Variants in PLEKHA7 observed in about 807,000 individuals in gnomAD.
PLEKHA7 encodes pleckstrin homology domain containing A7, also known as pleckstrin homology domain-containing family A member 7.
Under a neutral mutation model 170.0 loss-of-function variants are expected in PLEKHA7, and 104 were observed. The ratio of observed to expected loss-of-function variants is 0.61; its 90% confidence interval spans 0.52 to 0.72. The LOEUF (loss-of-function observed/expected upper bound fraction) is 0.72, where lower values mean the gene tolerates loss of function less well. Among genes scored for constraint, PLEKHA7 ranks in the 30% least tolerant of loss-of-function variants. The pLI, the probability that PLEKHA7 is intolerant of heterozygous loss-of-function variation, is 0.00. For missense variants in PLEKHA7, 1,615 were observed against 1,671.7 expected, an observed-to-expected ratio of 0.97 and a Z score of 0.59; for synonymous variants, 648 against 660.8, an observed-to-expected ratio of 0.98 and a Z score of 0.30.
chr11:16,923,260 A>G (rs954258163), intron 3 of PLEKHA7, among the ~76,000 whole-genome samples: 22 of 152,186 alleles, frequency 1.4e-4, no homozygotes, highest in Admixed American at 8.5e-4. Context: ...CAGACTTTTC[A>G]TAATAGAAAA....
In PLEKHA7 at chr11:16,918,698, T is replaced by C. The variant is rs145949983; in HGVS notation, c.222-47516A>G. Among the ~76,000 whole-genome samples, 1,086 of 152,286 alleles carry C rather than the reference T, an allele frequency of 7.1e-3. 17 individuals carry two copies. The highest frequency in any genetic ancestry group is 0.025 in the African/African-American group (1,024 of 41,546). ...AACTGGTGTAAATGCACTGTTTCCC[T>C]AACATTAACCACACATTGCTCACAC... On this transcript the variant is annotated intron_variant, in intron 3 of 26. Coordinates refer to ENST00000531066, the MANE Select transcript of PLEKHA7 (RefSeq NM_001329630.2).
chr11:16,817,053 G>A lies in PLEKHA7; in HGVS notation c.1613C>T (p.Thr538Ile). 3 of 1,610,292 alleles carry A rather than the reference G, an allele frequency of 1.9e-6. No individual in the cohort carries two copies. Among genetic ancestry groups the A allele is most frequent in the Non-Finnish European group, 2.5e-6 (3 of 1,177,776 alleles). The change falls in exon 11 of 27, where the codon ACA becomes ATA. Residue 538 changes from threonine (T) to isoleucine (I), a missense_variant. Physicochemically the swap from Thr to Ile is moderately conservative, Grantham distance 89. Coordinates refer to ENST00000531066, the MANE Select transcript of PLEKHA7 (RefSeq NM_001329630.2). The surrounding 1 kb of genome is among the most constrained non-coding windows in gnomAD (Gnocchi z 4.4). ...TGGGGAGCCAAGGCAGATGGGCGCT[G>A]TGGGGCTGCCGTGCCGGAACTGCTG... ...QRQQFRHGSP[T>I]APICLGSPEF...
intron 3 of PLEKHA7, among the ~76,000 whole-genome samples, chr11:16,878,002 T>G (rs1565057520): frequency 6.6e-6 from 1 of 152,214 alleles, no homozygotes; most frequent in Non-Finnish European, 1.5e-5. Context: ...CATCTACATT[T>G]TAACAGGGCA....
At chr11:16,865,138 T>C (rs189975732) in intron 4 of PLEKHA7, among the ~76,000 whole-genome samples, 4 of 152,348 alleles carry the variant, frequency 2.6e-5, no homozygotes, top group Admixed American at 1.3e-4. Context: ...ACATGGTGTT[T>C]GGAGCTTGGC....
At chr11:16,950,084 C>T (rs1426355636) in intron 3 of PLEKHA7, among the ~76,000 whole-genome samples, 1 of 42,890 alleles carries the variant, frequency 2.3e-5, no homozygotes, top group Non-Finnish European at 4.7e-5. Flanking sequence ...GTGTGTGGGG[C>T]GGGGGGCGGG....
chr11:17,006,703 T>C (rs921443960), intron 3 of PLEKHA7, among the ~76,000 whole-genome samples: 2 of 151,406 alleles, frequency 1.3e-5, no homozygotes, highest in African/African-American at 4.9e-5. Context: ...TTCACTGCCA[T>C]GAAGTTCAAC....
At position 16,817,179 on chromosome 11, in the gene PLEKHA7, T is replaced by C; in HGVS notation, c.1487A>G (p.Lys496Arg). 6.2e-7 allele frequency: 1 copy of C among 1,614,170 alleles called. No homozygotes were observed. The highest frequency in any genetic ancestry group is 8.5e-7 in the Non-Finnish European group (1 of 1,180,024). The part of the protein sequence containing the change: ...PPPRNLPSDY[K>R]YAQDRASHLK... ...GTGGCTGGCTCGGTCCTGCGCATAC[T>C]TGTAGTCACTTGGCAGGTTTCGGGG... Residue 496 changes from lysine (K) to arginine (R), a missense_variant, in exon 11 of 27, where the codon AAG becomes AGG. By Grantham distance (26) the Lys-to-Arg change is conservative. Transcript: ENST00000531066. The surrounding 1 kb of genome is among the most constrained non-coding windows in gnomAD (Gnocchi z 4.4).
intron 9 of PLEKHA7, among the ~76,000 whole-genome samples, chr11:16,841,340 A>C (rs563721250): frequency 6.6e-6 from 1 of 152,184 alleles, no homozygotes; most frequent in African/African-American, 2.4e-5. Flanking sequence ...AGAAGCCCAC[A>C]CATGCCAGTT....
intron 3 of PLEKHA7, among the ~76,000 whole-genome samples, chr11:16,951,950 T>C (rs964361918): frequency 6.6e-6 from 1 of 152,196 alleles, no homozygotes; most frequent in Non-Finnish European, 1.5e-5. Context: ...GAAACTAAGG[T>C]CTAACTGAGG....
chr11:16,815,854 T>C (rs1849712193), intron 12 of PLEKHA7, among the ~76,000 whole-genome samples: 1 of 152,158 alleles, frequency 6.6e-6, no homozygotes, highest in African/African-American at 2.4e-5. Context: ...ACTAGTTAAC[T>C]AATCAAAGAT....
intron 10 of PLEKHA7, among the ~76,000 whole-genome samples, chr11:16,825,478 C>T (rs1027025332): frequency 1.3e-5 from 2 of 152,228 alleles, no homozygotes; most frequent in African/African-American, 4.8e-5. Flanking sequence ...GAAGACAAAG[C>T]ACAGTGGCTT....
rs1848726696 is a variant in PLEKHA7 at position 16,803,300 on chromosome 11, G to A, written c.2008-5C>T. On this transcript the variant is annotated splice_region_variant and splice_polypyrimidine_tract_variant and intron_variant, in intron 13 of 26. Coordinates refer to ENST00000531066, the MANE Select transcript of PLEKHA7 (RefSeq NM_001329630.2). ...GAGAAGGTCCCGGCCTGTCATCTGG[G>A]AGGCGAACAATTTAAAAGAGATTTA... 5 of 1,611,654 alleles carry A rather than the reference G, an allele frequency of 3.1e-6. No individual in the cohort carries two copies. Among genetic ancestry groups the A allele is most frequent in the South Asian group, 1.1e-5 (1 of 91,020 alleles).
At chr11:17,011,214 C>T (rs992249622) in intron 3 of PLEKHA7, among the ~76,000 whole-genome samples, 5 of 152,190 alleles carry the variant, frequency 3.3e-5, no homozygotes, top group East Asian at 1.9e-4. Context: ...CCCTTCCTCC[C>T]GCCAAATGAA....
intron 17 of PLEKHA7, among the ~76,000 whole-genome samples, chr11:16,796,967 C>T (rs1299244613): frequency 2.0e-5 from 3 of 151,504 alleles, no homozygotes; most frequent in Admixed American, 6.6e-5. Context: ...CATGACCAGC[C>T]GAAAGGGTTA....
intron 4 of PLEKHA7, among the ~76,000 whole-genome samples, chr11:16,859,778 G>A (rs1233381800): frequency 6.6e-6 from 1 of 152,182 alleles, no homozygotes; most frequent in African/African-American, 2.4e-5. Context: ...CTGTGCCCCC[G>A]AGCTGAGCAA....
At chr11:16,805,601 C>T (rs1448163517) in intron 13 of PLEKHA7, among the ~76,000 whole-genome samples, 3 of 151,792 alleles carry the variant, frequency 2.0e-5, no homozygotes, top group Non-Finnish European at 4.4e-5. Flanking sequence ...ATCAGTCTGG[C>T]CAACATGGTG....
At chr11:16,941,215 G>A (rs1860674376) in intron 3 of PLEKHA7, among the ~76,000 whole-genome samples, 1 of 152,110 alleles carries the variant, frequency 6.6e-6, no homozygotes, top group African/African-American at 2.4e-5. Flanking sequence ...AAATGTTAAT[G>A]AACAAAGGCT....
chr11:16,886,833 G>C (rs1175449907), intron 3 of PLEKHA7, among the ~76,000 whole-genome samples: 1 of 151,118 alleles, frequency 6.6e-6, no homozygotes. Flanking sequence ...ACAAATATTT[G>C]AGAGCCAACT....
intron 3 of PLEKHA7, among the ~76,000 whole-genome samples, chr11:17,000,155 C>T (rs990188690): frequency 1.5e-4 from 23 of 152,330 alleles, no homozygotes; most frequent in African/African-American, 5.5e-4. Flanking sequence ...GGAATCTCGG[C>T]TCACTGTAAC....
Sources: allele counts gnomAD v4.1 joint callset (sites outside exome capture counted in the v4.1 genomes callset), GRCh38; gene constraint gnomAD v4.1.1; non-coding constraint Gnocchi (gnomAD v3.1); transcripts MANE v1.5; gene names NCBI Gene and HGNC (gene_info 2026-07-23, HGNC 2026-07-21).